ZFAND3: variants seen among roughly 807,000 people sequenced by gnomAD.
ZFAND3 encodes the protein AN1-type zinc finger protein 3.
ZFAND3 carries 10 observed loss-of-function variants against 29.6 expected under a neutral mutation model. The observed-to-expected ratio is 0.34, with a 90% CI of 0.21 to 0.57. ZFAND3 has a LOEUF of 0.57. Ranked by LOEUF, ZFAND3 falls within the 20% of genes least tolerant of loss-of-function variation. ZFAND3 has a pLI of 0.86. For missense variants in ZFAND3, 230 were observed against 304.5 expected, an observed-to-expected ratio of 0.76 and a Z score of 1.82; for synonymous variants, 128 against 112.6, an observed-to-expected ratio of 1.14 and a Z score of -0.87.
rs187808374 is a variant in ZFAND3, at chr6:37,883,632, T to C, written c.72-46327T>C. Among the ~76,000 whole-genome samples, 3 of 143,712 alleles carry C rather than the reference T, an allele frequency of 2.1e-5. 1 individual carries two copies. Among genetic ancestry groups the C allele is most frequent in the African/African-American group, 8.5e-5 (3 of 35,192 alleles). The allele number at this position is 143,712 out of a possible 152,430, so 94.3% of individuals were successfully genotyped here. The stretch of plus-strand genomic sequence containing the variant: ...ATCTTGGCTCACTGCAACCTCTGCC[T>C]CCTGGGTTCAAGCAATTCTCTGCCT... On this transcript the variant is annotated intron_variant, in intron 1 of 5. Transcript: ENST00000287218.
chr6:38,020,154 G>C (rs1763322185), intron 2 of ZFAND3, among the ~76,000 whole-genome samples: 1 of 152,168 alleles, frequency 6.6e-6, no homozygotes, highest in Non-Finnish European at 1.5e-5. Context: ...GAGATAGACA[G>C]ATTAATGTAT....
chr6:38,030,324 G>A (rs1763535466), intron 2 of ZFAND3, among the ~76,000 whole-genome samples: 1 of 151,492 alleles, frequency 6.6e-6, no homozygotes, highest in African/African-American at 2.4e-5. Context: ...ACTGCACCTG[G>A]CTGTAAATAT....
intron 4 of ZFAND3, among the ~76,000 whole-genome samples, chr6:38,115,977 C>T (rs1765409396): frequency 6.6e-6 from 1 of 152,170 alleles, no homozygotes; most frequent in Non-Finnish European, 1.5e-5. Context: ...CCCCTTCATT[C>T]TGAATCAAAT....
intron 2 of ZFAND3, among the ~76,000 whole-genome samples, chr6:38,024,470 C>CAAAAA (rs34123545): frequency 3.5e-5 from 4 of 112,690 alleles, no homozygotes; most frequent in African/African-American, 1.4e-4. Flanking sequence ...GACTCCGTCT[C>CAAAAA]AAAAAAAAAA....
At chr6:38,003,673 GT>G (rs146304338) in intron 2 of ZFAND3, 5,911 of 277,572 alleles carry the variant, frequency 0.021, no homozygotes, top group South Asian at 0.04. Flanking sequence ...TAATTTTTGT[GT>G]TTTTTTTTTT....
chr6:38,112,918 C>T (rs1765347883), intron 4 of ZFAND3, among the ~76,000 whole-genome samples: 5 of 152,108 alleles, frequency 3.3e-5, no homozygotes, highest in Admixed American at 3.3e-4. Context: ...ACTAAGTTGA[C>T]TTGTGAGAAA....
chr6:38,035,107 CT>C (rs1330857109), intron 2 of ZFAND3, among the ~76,000 whole-genome samples: 2 of 151,558 alleles, frequency 1.3e-5, no homozygotes, highest in Non-Finnish European at 2.9e-5. Flanking sequence ...TTCTTGGTGG[CT>C]TTTTTGATGC....
chr6:37,928,777 T>A (rs1386669392), intron 1 of ZFAND3, among the ~76,000 whole-genome samples: 1 of 152,180 alleles, frequency 6.6e-6, no homozygotes, highest in Non-Finnish European at 1.5e-5. Context: ...CTCAGCCTTC[T>A]GTAGTGTTAG....
intron 5 of ZFAND3, among the ~76,000 whole-genome samples, chr6:38,132,019 C>T (rs529982626): frequency 3.3e-5 from 5 of 152,138 alleles, no homozygotes; most frequent in Non-Finnish European, 5.9e-5. Context: ...GAGTGTTTCC[C>T]CCCCACCAAT....
chr6:37,920,425 A>G (rs1761356563), intron 1 of ZFAND3, among the ~76,000 whole-genome samples: 1 of 151,328 alleles, frequency 6.6e-6, no homozygotes, highest in Non-Finnish European at 1.5e-5. Flanking sequence ...TAATTGTTAG[A>G]TGGTGCTGGA....
At chr6:37,966,804 G>A (rs1302205083) in intron 2 of ZFAND3, among the ~76,000 whole-genome samples, 1 of 152,072 alleles carries the variant, frequency 6.6e-6, no homozygotes, top group African/African-American at 2.4e-5. Flanking sequence ...ATCTTTTATA[G>A]CACACGTCCC....
intron 4 of ZFAND3, among the ~76,000 whole-genome samples, chr6:38,109,798 T>C (rs1299990415): frequency 6.6e-6 from 1 of 152,166 alleles, no homozygotes; most frequent in African/African-American, 2.4e-5. Flanking sequence ...AACTGTCTTC[T>C]AGTCAAAAAT....
rs1260264472 is a variant in ZFAND3, at chr6:38,061,668, A to G, written c.188A>G (p.Glu63Gly). The change falls in exon 3 of 6, where the codon GAG (glutamate) becomes GGG (glycine). Residue 63 changes from glutamate to glycine, a missense_variant. Coordinates refer to ENST00000287218, the MANE Select transcript of ZFAND3 (RefSeq NM_021943.3). Reference protein sequence around the residue: ...SNSQSDLFSEETTSDNNNTSI... With the variant: ...SNSQSDLFSEGTTSDNNNTSI... ...AGCCAATCAGATTTGTTTTCCGAAG[A>G]GACCACCAGTGACAACAACAATACC... 1.2e-6 allele frequency: 2 copies of G among 1,614,232 alleles called. No individual in the cohort carries two copies. The highest frequency in any genetic ancestry group is 1.7e-6 in the Non-Finnish European group (2 of 1,180,032).
At chr6:37,867,318 A>G (rs1764607309) in intron 1 of ZFAND3, among the ~76,000 whole-genome samples, 1 of 151,892 alleles carries the variant, frequency 6.6e-6, no homozygotes, top group East Asian at 1.9e-4. Flanking sequence ...TGCGTGAAAA[A>G]TTCATATGAA....
At chr6:37,853,627 G>A (rs1581709970) in intron 1 of ZFAND3, among the ~76,000 whole-genome samples, 1 of 152,034 alleles carries the variant, frequency 6.6e-6, no homozygotes, top group Non-Finnish European at 1.5e-5. Flanking sequence ...ATTACAAATG[G>A]ATTATATTCT....
chr6:37,916,722 C>T (rs980322471), intron 1 of ZFAND3, among the ~76,000 whole-genome samples: 1 of 152,180 alleles, frequency 6.6e-6, no homozygotes, highest in Non-Finnish European at 1.5e-5. Context: ...TCCATGTTTT[C>T]ACATTTCGCA....
At chr6:38,035,771 T>G (rs928280074) in intron 2 of ZFAND3, among the ~76,000 whole-genome samples, 8 of 152,324 alleles carry the variant, frequency 5.3e-5, no homozygotes, top group African/African-American at 1.9e-4. Flanking sequence ...AGAAATTGTT[T>G]AGGGTGGGAA....
intron 5 of ZFAND3, among the ~76,000 whole-genome samples, chr6:38,137,224 G>A (rs183740098): frequency 9.8e-5 from 15 of 152,302 alleles, no homozygotes; most frequent in South Asian, 2.1e-4. Flanking sequence ...CAATAGAAAG[G>A]CACTGTTAGG....
At position 38,078,576 on chromosome 6, in the gene ZFAND3, C is replaced by T. The variant is rs570392666; in HGVS notation, c.296-3816C>T. Among the ~76,000 whole-genome samples the T allele has an allele frequency of 1.1e-4, 16 of 152,276 alleles. No individual in the cohort carries two copies. In the South Asian group the frequency reaches 2.9e-3, roughly 28 times the overall value. On this transcript the variant is annotated intron_variant, in intron 3 of 5. Coordinates refer to ENST00000287218, the MANE Select transcript of ZFAND3 (RefSeq NM_021943.3). ...ATCATCTGGCTCAGAATCCCAAGAACCTGTTGTATTAAGCAAGGAACTTTG... is the reference window on the plus strand; with the variant it reads ...ATCATCTGGCTCAGAATCCCAAGAATCTGTTGTATTAAGCAAGGAACTTTG...
Sources: allele counts gnomAD v4.1 joint callset (sites outside exome capture counted in the v4.1 genomes callset), GRCh38; gene constraint gnomAD v4.1.1; transcripts MANE v1.5; gene names NCBI Gene and HGNC (gene_info 2026-07-23, HGNC 2026-07-21).